MGAT4C: variants seen among roughly 807,000 people sequenced by gnomAD.
MGAT4C encodes the protein MGAT4 family member C.
MGAT4C carries 19 observed loss-of-function variants against 40.1 expected under a neutral mutation model. That is an observed-to-expected ratio of 0.47 (90% CI 0.33 to 0.70). MGAT4C has a LOEUF of 0.70. MGAT4C is among the 30% of genes least tolerant of loss of function. The probability of loss-of-function intolerance (pLI) is 0.02; values close to 1 mark genes in which losing one functional copy is unlikely to be tolerated. For synonymous variants in MGAT4C, 181 were observed against 187.1 expected, an observed-to-expected ratio of 0.97 and a Z score of 0.27; for missense variants, 491 against 563.2, an observed-to-expected ratio of 0.87 and a Z score of 1.30.
intron 2 of MGAT4C, among the ~76,000 whole-genome samples, chr12:86,002,947 T>A (rs1286328714): frequency 1.3e-5 from 2 of 151,902 alleles, no homozygotes. Context: ...ACTACAGGCG[T>A]CCGCAATCAT....
chr12:86,115,319 G>A (rs1026032728), intron 1 of MGAT4C, among the ~76,000 whole-genome samples: 1 of 151,838 alleles, frequency 6.6e-6, no homozygotes, highest in African/African-American at 2.4e-5. Context: ...GGAAAAAGGT[G>A]GAGGAAAAAT....
chr12:86,681,670 A>G (rs1330796466), intron 2 of MGAT4C, among the ~76,000 whole-genome samples: 2 of 152,026 alleles, frequency 1.3e-5, no homozygotes. Flanking sequence ...GTAGTTTTCT[A>G]TACACCTAAC....
intron 2 of MGAT4C, among the ~76,000 whole-genome samples, chr12:86,632,348 C>T (rs530243890): frequency 4.9e-4 from 74 of 152,196 alleles, no homozygotes; most frequent in African/African-American, 1.5e-3. Context: ...GACAGTGTGG[C>T]GATTCCTCAA....
intron 4 of MGAT4C, among the ~76,000 whole-genome samples, chr12:86,306,364 TA>T (rs1272600261): frequency 1.3e-5 from 2 of 150,450 alleles, no homozygotes; most frequent in African/African-American, 2.5e-5. Flanking sequence ...TGTTTAGCAA[TA>T]AAAATGAAGT....
chr12:86,824,733 G>A (rs1952770981), intron 1 of MGAT4C, among the ~76,000 whole-genome samples: 1 of 128,200 alleles, frequency 7.8e-6, no homozygotes, highest in African/African-American at 2.9e-5. Flanking sequence ...TAGACAGCCA[G>A]GCCAAAAAAA....
intron 1 of MGAT4C, among the ~76,000 whole-genome samples, chr12:86,167,187 G>A (rs1310360849): frequency 6.6e-6 from 1 of 152,106 alleles, no homozygotes; most frequent in East Asian, 1.9e-4. Context: ...TCTATGGCAA[G>A]TTTGGTGTTG....
intron 1 of MGAT4C, among the ~76,000 whole-genome samples, chr12:86,818,170 A>G (rs1952640440): frequency 6.6e-6 from 1 of 151,350 alleles, no homozygotes; most frequent in Admixed American, 6.6e-5. Context: ...GTTATGCAAC[A>G]TAAGACAAAA....
chr12:86,179,606 G>T (rs1887887483), intron 1 of MGAT4C, among the ~76,000 whole-genome samples: 1 of 152,184 alleles, frequency 6.6e-6, no homozygotes, highest in Non-Finnish European at 1.5e-5. Context: ...TTGGGAACTG[G>T]AGCAGAGGTG....
intron 2 of MGAT4C, among the ~76,000 whole-genome samples, chr12:86,711,186 A>G (rs774552326): frequency 6.6e-6 from 1 of 152,120 alleles, no homozygotes; most frequent in Non-Finnish European, 1.5e-5. Context: ...AATTTGAAAT[A>G]AAAATATAAA....
At chr12:86,226,926 G>A (rs904075686) in intron 1 of MGAT4C, among the ~76,000 whole-genome samples, 4 of 151,776 alleles carry the variant, frequency 2.6e-5, no homozygotes, top group African/African-American at 4.8e-5. Flanking sequence ...CCTCTTTATA[G>A]TAACAAATGC....
At chr12:86,785,918 A>G (rs1314460893) in intron 1 of MGAT4C, among the ~76,000 whole-genome samples, 1 of 151,988 alleles carries the variant, frequency 6.6e-6, no homozygotes, top group African/African-American at 2.4e-5. Flanking sequence ...CAAGTAAAAA[A>G]CCAGTATGCA....
chr12:86,634,053 A>C (rs1963142262), intron 2 of MGAT4C, among the ~76,000 whole-genome samples: 1 of 152,110 alleles, frequency 6.6e-6, no homozygotes, highest in Admixed American at 6.6e-5. Flanking sequence ...GCTTATTGTA[A>C]GTATATACTG....
chr12:86,026,139 T>C (rs529700746), intron 2 of MGAT4C, among the ~76,000 whole-genome samples: 4 of 151,836 alleles, frequency 2.6e-5, no homozygotes, highest in Non-Finnish European at 5.9e-5. Flanking sequence ...GTCCTATTCA[T>C]AAGGAGTGGG....
intron 4 of MGAT4C, among the ~76,000 whole-genome samples, chr12:86,286,671 G>A (rs1953359715): frequency 6.6e-6 from 1 of 152,024 alleles, no homozygotes; most frequent in Admixed American, 6.6e-5. Flanking sequence ...TTGGTGTACA[G>A]ATTCTTTTGT....
At chr12:85,993,894 G>A (rs1886284133) in intron 2 of MGAT4C, among the ~76,000 whole-genome samples, 1 of 152,188 alleles carries the variant, frequency 6.6e-6, no homozygotes, top group South Asian at 2.1e-4. Flanking sequence ...CCAGGTAGTG[G>A]AGGCCAGTGC....
intron 1 of MGAT4C, among the ~76,000 whole-genome samples, chr12:86,765,892 G>A (rs1951496999): frequency 6.6e-6 from 1 of 152,070 alleles, no homozygotes; most frequent in Admixed American, 6.6e-5. Context: ...AGGAACAACT[G>A]GTACCAGCTG....
chr12:86,067,009 T>C (rs1285981488), intron 1 of MGAT4C, among the ~76,000 whole-genome samples: 1 of 152,138 alleles, frequency 6.6e-6, no homozygotes, highest in African/African-American at 2.4e-5. Context: ...CACAATGAAA[T>C]ACCATCTCAC....
chr12:86,566,563 T>TGC (rs1380722543), intron 2 of MGAT4C, among the ~76,000 whole-genome samples: 2 of 132,022 alleles, frequency 1.5e-5, no homozygotes, highest in East Asian at 4.5e-4. Context: ...TATATATATA[T>TGC]ATATATATAT....
At chr12:86,559,084 G>GA (rs974425529) in intron 2 of MGAT4C, among the ~76,000 whole-genome samples, 4 of 150,652 alleles carry the variant, frequency 2.7e-5, no homozygotes, top group Non-Finnish European at 1.5e-5. Flanking sequence ...AAAAACTGTA[G>GA]AAAAAAAAGA....
Sources: allele counts gnomAD v4.1 joint callset (sites outside exome capture counted in the v4.1 genomes callset), GRCh38; gene constraint gnomAD v4.1.1; transcripts MANE v1.5; gene names NCBI Gene and HGNC (gene_info 2026-07-23, HGNC 2026-07-21).